The following AQP1 variants were observed in gnomAD, a reference collection of about 807,000 sequenced individuals.
AQP1 encodes aquaporin 1 (Colton blood group), also known as aquaporin-1.
In AQP1, 11 loss-of-function variants were observed where a neutral mutation model predicts 19.7. The ratio of observed to expected loss-of-function variants is 0.56; its 90% CI spans 0.35 to 0.92. AQP1 has a LOEUF of 0.92. AQP1 is among the 40% of genes least tolerant of loss of function. The pLI is 0.01. For missense variants in AQP1, 320 were observed against 369.7 expected (o/e 0.87, Z 1.10); for synonymous variants, 159 against 166.7 (o/e 0.95, Z 0.36).
At position 30,911,975 on chromosome 7, in the gene AQP1, CCT is replaced by C. The variant is rs749625062; in HGVS notation, c.69_70del (p.Phe24CysfsTer104). On this transcript the variant is annotated frameshift_variant, in exon 1 of 4. Coordinates refer to ENST00000311813, the MANE Select transcript of AQP1 (RefSeq NM_198098.4). LOFTEE classifies it high-confidence loss of function. ...AVVAEFLATT[L>X]FVFISIGSAL... is the part of the protein sequence containing the mutation. ...TGGTGGCCGAGTTCCTGGCCACGAC[CCT>C]CTTTGTCTTCATCAGCATCGGTTCT... The C allele has an allele frequency of 6.2e-7, 1 of 1,613,606 alleles. No individual in the cohort carries two copies. The highest frequency in any genetic ancestry group is 1.1e-5 in the South Asian group (1 of 91,088).
At chr7:30,914,509 A>G (rs1791261630) in intron 1 of AQP1, among the ~76,000 whole-genome samples, 1 of 152,302 alleles carries the variant, frequency 6.6e-6, no homozygotes, top group African/African-American at 2.4e-5. Flanking sequence ...TCCTGTCCCA[A>G]CAGTGGAAGG....
chr7:30,925,083 A>G lies in AQP1; in HGVS notation c.*1454A>G, dbSNP rs1380487102. On this transcript the variant is annotated 3_prime_UTR_variant, in exon 4 of 4. Transcript: ENST00000311813. The stretch of plus-strand genomic sequence containing the variant: ...GCAACAGAAACCAAGAGACACAATT[A>G]CGCAGGTATTTAGAAGCAGAGGGAC... The G allele has an allele frequency of 6.6e-6, 1 of 152,324 alleles. No individual in the cohort carries two copies. Among genetic ancestry groups the G allele is most frequent in the African/African-American group, 2.4e-5 (1 of 41,468 alleles). 9.4% of individuals were successfully genotyped at this position (152,324 alleles called of 1,614,324 possible).
rs1290341495 is a variant in AQP1, at chr7:30,925,286, C to G, written c.*1657C>G. ...CCCTGTCTCTGGCTACTCCCTGGAC[C>G]ACGAGGCTGATTCCTCTCATTTCCA... On this transcript the variant is annotated 3_prime_UTR_variant, in exon 4 of 4. Transcript: ENST00000311813. The G allele has an allele frequency of 6.6e-6, 1 of 152,154 alleles. No individual in the cohort carries two copies. The highest frequency in any genetic ancestry group is 6.5e-5 in the Admixed American group (1 of 15,282). The allele number at this position is 152,154 out of a possible 1,614,324, so 9.4% of individuals were successfully genotyped here.
chr7:30,920,095 G>A (rs1056337225), intron 1 of AQP1, among the ~76,000 whole-genome samples: 3 of 152,168 alleles, frequency 2.0e-5, no homozygotes, highest in South Asian at 2.1e-4. Flanking sequence ...TGGGGCTCTC[G>A]CACCTGGTTA....
rs749302762 is a variant in AQP1 at position 30,923,428 on chromosome 7, A to G, written c.631-22A>G. The G allele has an allele frequency of 6.2e-7, 1 of 1,613,514 alleles. No homozygotes were observed. The highest frequency in any genetic ancestry group is 1.1e-5 in the South Asian group (1 of 91,054). On this transcript the variant is annotated intron_variant, in intron 3 of 3. Coordinates refer to ENST00000311813, the MANE Select transcript of AQP1 (RefSeq NM_198098.4). This position sits in a 1 kb window ranked among gnomAD's most constrained non-coding sequence, Gnocchi z 4.8. The stretch of plus-strand genomic sequence containing the variant: ...AGGGGCTTTTGAGTGGAGCCCTCTG[A>G]ACACACCTGCTCTGTTCCTAGATTT...
chr7:30,919,398 G>A (rs1453912424), intron 1 of AQP1, among the ~76,000 whole-genome samples: 1 of 152,158 alleles, frequency 6.6e-6, no homozygotes, highest in African/African-American at 2.4e-5. Flanking sequence ...GGGCTTACAA[G>A]GGCTTAGCAC....
intron 1 of AQP1, among the ~76,000 whole-genome samples, chr7:30,919,676 A>G (rs1369976151): frequency 2.6e-5 from 4 of 151,768 alleles, no homozygotes; most frequent in African/African-American, 9.7e-5. Flanking sequence ...GTCCTTGTTT[A>G]AGCAAGTTTT....
Position 30,923,674 on chromosome 7 carries a change from C to A in AQP1, c.*45C>A, listed in dbSNP as rs140536387. ...TCCACGTAGGGGGCAGGGGCAGGGG[C>A]GGGCGGAGGGAGGGGAGGGGTGAAA... On this transcript the variant is annotated 3_prime_UTR_variant, in exon 4 of 4. Coordinates refer to ENST00000311813, the MANE Select transcript of AQP1 (RefSeq NM_198098.4). This position sits in a 1 kb window ranked among gnomAD's most constrained non-coding sequence, Gnocchi z 4.8. 14 of 452,758 alleles carry A rather than the reference C, an allele frequency of 3.1e-5. No homozygotes were observed. Among genetic ancestry groups the A allele is most frequent in the Admixed American group, 1.8e-4 (5 of 27,252 alleles). The allele number at this position is 452,758 out of a possible 1,614,324, so 28.0% of individuals were successfully genotyped here.
intron 1 of AQP1, among the ~76,000 whole-genome samples, chr7:30,917,814 T>G (rs1434357023): frequency 6.6e-6 from 1 of 152,204 alleles, no homozygotes. Context: ...GATCATGTTA[T>G]TGGTAGTTTT....
chr7:30,921,304 A>C, intron 1 of AQP1: 1 of 1,317,250 alleles, frequency 7.6e-7, no homozygotes, highest in Non-Finnish European at 9.7e-7. Flanking sequence ...TGTTTCTAAA[A>C]GTGGCCCAGG....
intron 1 of AQP1, among the ~76,000 whole-genome samples, chr7:30,913,100 G>T (rs894342442): frequency 1.3e-5 from 2 of 152,058 alleles, no homozygotes; most frequent in Admixed American, 6.6e-5. Context: ...GGTGTGTGGG[G>T]GTGAGTTTGC....
chr7:30,912,094 C>A lies in AQP1; in HGVS notation c.185C>A (p.Thr62Lys). The change falls in exon 1 of 4, where the codon ACG (threonine) becomes AAG (lysine). Residue 62 changes from threonine (T) to lysine (K), a missense_variant. Physicochemically the swap from Thr to Lys is moderately conservative, Grantham distance 78. Coordinates refer to ENST00000311813, the MANE Select transcript of AQP1 (RefSeq NM_198098.4). The surrounding 1 kb of genome is among the most constrained non-coding windows in gnomAD (Gnocchi z 4.3). ...VSLAFGLSIA[T>K]LAQSVGHISG... is the part of the protein sequence containing the mutation. Reference sequence around the variant, plus strand: ...CTGGCCTTCGGGCTGAGCATCGCCACGCTGGCGCAGAGTGTGGGCCACATC... The same window carrying A: ...CTGGCCTTCGGGCTGAGCATCGCCAAGCTGGCGCAGAGTGTGGGCCACATC... 6.2e-7 allele frequency: 1 copy of A among 1,613,318 alleles called. No homozygotes were observed. Among genetic ancestry groups the A allele is most frequent in the Non-Finnish European group, 8.5e-7 (1 of 1,180,044 alleles).
chr7:30,923,996 G>C lies in AQP1; in HGVS notation c.*367G>C. 1 of 1,367,680 alleles carries C rather than the reference G, an allele frequency of 7.3e-7. No individual in the cohort carries two copies. Among genetic ancestry groups the C allele is most frequent in the Non-Finnish European group, 9.7e-7 (1 of 1,033,644 alleles). 84.7% of individuals were successfully genotyped at this position (1,367,680 alleles called of 1,614,324 possible). On this transcript the variant is annotated 3_prime_UTR_variant, in exon 4 of 4. Transcript: ENST00000311813. The surrounding 1 kb of genome is among the most constrained non-coding windows in gnomAD (Gnocchi z 4.8). ...ACCGACTCACCTGCGCAAGTGCCTGGGATTCTACCGTAATTGCTTTGTGCC... is the reference window on the plus strand; with the variant it reads ...ACCGACTCACCTGCGCAAGTGCCTGCGATTCTACCGTAATTGCTTTGTGCC...
chr7:30,913,810 C>T (rs1298850521), intron 1 of AQP1, among the ~76,000 whole-genome samples: 1 of 151,316 alleles, frequency 6.6e-6, no homozygotes, highest in South Asian at 2.1e-4. Context: ...GGGGGATGTA[C>T]GGGACAGAGC....
intron 1 of AQP1, among the ~76,000 whole-genome samples, chr7:30,920,295 G>A (rs948983481): frequency 2.0e-5 from 3 of 152,142 alleles, no homozygotes; most frequent in African/African-American, 7.2e-5. Context: ...AAGGAGCCAC[G>A]AGCTTCCTGA....
In AQP1 at chr7:30,922,663, G is replaced by T. The variant is rs1222023166; in HGVS notation, c.630+19G>T. ...CCACTGGGTAGGAGACCCACGGGGG[G>T]TGGGGTGGGAAGCTTTGGTGTCCCA... On this transcript the variant is annotated intron_variant, in intron 3 of 3. Coordinates refer to ENST00000311813, the MANE Select transcript of AQP1 (RefSeq NM_198098.4). 4 of 1,610,426 alleles carry T rather than the reference G, an allele frequency of 2.5e-6. No homozygotes were observed. In the African/African-American group the frequency reaches 5.3e-5, roughly 22 times the overall value.
In AQP1 at chr7:30,912,285, C is replaced by T; in HGVS notation, c.376C>T (p.Arg126Cys). 1 of 1,601,106 alleles carries T rather than the reference C, an allele frequency of 6.2e-7. No individual in the cohort carries two copies. The change falls in exon 1 of 4, where the codon CGC (arginine) becomes TGC (cysteine). Residue 126 changes from arginine (R) to cysteine (C), a missense_variant. Physicochemically the swap from Arg to Cys is radical, Grantham distance 180. Coordinates refer to ENST00000311813, the MANE Select transcript of AQP1 (RefSeq NM_198098.4). This position sits in a 1 kb window ranked among gnomAD's most constrained non-coding sequence, Gnocchi z 4.3. ...TSSLTGNSLG[R>C]NDLADGVNSG... ...CTCCCTGACTGGGAACTCGCTTGGC[C>T]GCAATGACGTGAGTGGGGTGTCCCT...
chr7:30,919,044 T>C (rs1791428265), intron 1 of AQP1, among the ~76,000 whole-genome samples: 1 of 152,124 alleles, frequency 6.6e-6, no homozygotes, highest in South Asian at 2.1e-4. Flanking sequence ...AGCTAGAAAG[T>C]GAAGAAGACC....
chr7:30,917,245 G>A lies in AQP1; in HGVS notation c.385-4821G>A, dbSNP rs1791382351. Among the ~76,000 whole-genome samples, 3 of 152,168 alleles carry A rather than the reference G, an allele frequency of 2.0e-5. No individual in the cohort carries two copies. In the South Asian group the frequency reaches 6.2e-4, roughly 32 times the overall value. The stretch of plus-strand genomic sequence containing the variant: ...CACACACATGTGCTCTTACGTGGAG[G>A]ACACACACACATGGTACACAAAGCA... On this transcript the variant is annotated intron_variant, in intron 1 of 3. Transcript: ENST00000311813.
Sources: gnomAD v4.1 joint callset for allele counts (sites outside exome capture counted in the v4.1 genomes callset) on GRCh38, gnomAD v4.1.1 for gene constraint, Gnocchi (gnomAD v3.1) non-coding constraint, MANE v1.5 for transcripts, NCBI Gene and HGNC (gene_info 2026-07-23, HGNC 2026-07-21) for gene names.